The following INTS7 variants were observed in gnomAD, a reference collection of about 807,000 sequenced individuals.
The protein encoded by INTS7 is integrator complex subunit 7, also known as chromosome 1 open reading frame 73.
INTS7 carries 46 observed loss-of-function variants against 109.2 expected under a neutral mutation model. That is an observed-to-expected ratio of 0.42 (90% CI 0.33 to 0.54). The LOEUF is 0.54. Ranked by LOEUF, INTS7 falls within the 20% of genes least tolerant of loss-of-function variation. INTS7 has a pLI of 0.07. For synonymous variants in INTS7, 412 were observed against 402.9 expected, an observed-to-expected ratio of 1.02 and a Z score of -0.27; for missense variants, 929 against 1,132.4, an observed-to-expected ratio of 0.82 and a Z score of 2.58.
chr1:212,022,274 C>G (rs1458532193), intron 1 of INTS7, among the ~76,000 whole-genome samples: 1 of 152,090 alleles, frequency 6.6e-6, no homozygotes, highest in Non-Finnish European at 1.5e-5. Flanking sequence ...TTAGATAAAA[C>G]AAAAGGCATA....
chr1:211,951,152 A>T (rs1359076373), intron 17 of INTS7, among the ~76,000 whole-genome samples: 1 of 152,190 alleles, frequency 6.6e-6, no homozygotes, highest in East Asian at 1.9e-4. Flanking sequence ...GCAGAAGCAG[A>T]AGAGAAACTC....
Position 211,946,634 on chromosome 1 carries a change from GA to G in INTS7, c.2387del (p.Phe796SerfsTer34). On this transcript the variant is annotated frameshift_variant, in exon 18 of 20. Transcript: ENST00000366994. LOFTEE classifies it high-confidence loss of function. This position sits in a 1 kb window ranked among gnomAD's most constrained non-coding sequence, Gnocchi z 4.3. Reference sequence around the variant, plus strand: ...TGATGCTGGTAGACTGTAGTTTCTGGAAAAAATATCTCTGGAAAGAAAGGGG... The same window carrying G: ...TGATGCTGGTAGACTGTAGTTTCTGGAAAAATATCTCTGGAAAGAAAGGGG... ...KVPLSFQRYF[F>X]QKLQSTSIKL... 1.9e-6 allele frequency: 3 copies of G among 1,611,984 alleles called. No homozygotes were observed. The highest frequency in any genetic ancestry group is 1.1e-5 in the South Asian group (1 of 91,040).
intron 13 of INTS7, among the ~76,000 whole-genome samples, chr1:211,974,700 GC>G (rs1664340166): frequency 6.6e-6 from 1 of 152,120 alleles, no homozygotes; most frequent in Non-Finnish European, 1.5e-5. Flanking sequence ...ATTGTAGCTA[GC>G]TAATGGTTAA....
intron 16 of INTS7, among the ~76,000 whole-genome samples, chr1:211,953,670 G>A (rs1438687816): frequency 5.3e-5 from 8 of 150,432 alleles, no homozygotes; most frequent in Admixed American, 2.0e-4. Context: ...TTGTCCTTGC[G>A]ATAGTTTGCT....
At position 211,941,324 on chromosome 1, in the gene INTS7, C is replaced by G. The variant is rs112948521; in HGVS notation, c.*500G>C. ...AAACTAATAATAAAACAAGAAAGAA[C>G]AATCTTTCTGGCCAGGATCCCAGTT... On this transcript the variant is annotated 3_prime_UTR_variant, in exon 20 of 20. Coordinates refer to ENST00000366994, the MANE Select transcript of INTS7 (RefSeq NM_015434.4). 0.32 allele frequency: 47,927 copies of G among 151,988 alleles called. 8,839 individuals are homozygous for G. Among genetic ancestry groups the G allele is most frequent in the Middle Eastern group, 0.42 (124 of 292 alleles). 9.4% of individuals were successfully genotyped at this position (151,988 alleles called of 1,614,324 possible).
intron 8 of INTS7, among the ~76,000 whole-genome samples, chr1:211,984,304 C>G (rs1454645099): frequency 6.6e-6 from 1 of 152,014 alleles, no homozygotes; most frequent in Non-Finnish European, 1.5e-5. Context: ...TGTTTTATAA[C>G]TTGTTTTTTC....
chr1:211,978,478 C>G lies in INTS7; in HGVS notation c.1264G>C (p.Gly422Arg). Residue 422 changes from glycine to arginine, a missense_variant, in exon 11 of 20, where the codon GGC becomes CGC. Gly to Arg is a moderately radical substitution (Grantham distance 125). Transcript: ENST00000366994. ...ALNCMVKLAK[G>R]RPHLSQSVVE... ...ACTGACTGGCTAAGATGGGGCCTGC[C>G]CTTGGCCAACTTCACCATACAGTTT... 1 of 1,614,136 alleles carries G rather than the reference C, an allele frequency of 6.2e-7. No individual in the cohort carries two copies. Among genetic ancestry groups the G allele is most frequent in the Non-Finnish European group, 8.5e-7 (1 of 1,180,012 alleles).
At chr1:211,945,834 A>T (rs933250323) in intron 18 of INTS7, among the ~76,000 whole-genome samples, 4 of 152,250 alleles carry the variant, frequency 2.6e-5, no homozygotes, top group African/African-American at 9.6e-5. Flanking sequence ...AGTGGCTTAA[A>T]TATTTCAAAA....
rs113653779 is a variant in INTS7, at chr1:212,031,385, T to C, written c.94+3959A>G. Among the ~76,000 whole-genome samples, 16 of 152,350 alleles carry C rather than the reference T, an allele frequency of 1.1e-4. 1 individual carries two copies. The highest frequency in any genetic ancestry group is 3.8e-4 in the African/African-American group (16 of 41,572). On this transcript the variant is annotated intron_variant, in intron 1 of 19. Transcript: ENST00000366994. ...CATCCTTTATATTGCCAATTATGTA[T>C]AGTAATGATCATATCATGAAATGTG... is the stretch of plus-strand genomic sequence containing the variant.
At chr1:211,975,462 G>A in intron 12 of INTS7, 90 bp from the exon 13 acceptor site, 1 of 918,062 alleles carries the variant, frequency 1.1e-6, no homozygotes, top group Non-Finnish European at 1.7e-6. Context: ...AGCTAAAAGA[G>A]AAACCCAAAC....
rs1662856146 is a variant in INTS7 at position 211,946,589 on chromosome 1, GTATTCTTCCT to G, written c.2415+8_2415+17del. 7.0e-7 allele frequency: 1 copy of G among 1,434,374 alleles called. No homozygotes were observed. The highest frequency in any genetic ancestry group is 1.4e-5 in the African/African-American group (1 of 71,078). 88.9% of individuals were successfully genotyped at this position (1,434,374 alleles called of 1,614,324 possible). A position where few individuals can be genotyped will look rare whatever the true frequency, so the allele number is the denominator to read the frequency against. ...GGTTTTAAAACCTATATTAACCTTA[GTATTCTTCCT>G]GTATTACCTTGATGCTGGTAGACTG... On this transcript the variant is annotated splice_region_variant and intron_variant, in intron 18 of 19. Transcript: ENST00000366994. The surrounding 1 kb of genome is among the most constrained non-coding windows in gnomAD (Gnocchi z 4.3).
chr1:211,942,168 TATG>T lies in INTS7; in HGVS notation c.2602-60_2602-58del. ...TGGCTAACATTTCTTCAGTGCTTAC[TATG>T]AGTTAGGCCCTGTTCTAAGAGCTTA... On this transcript the variant is annotated intron_variant, in intron 19 of 19. Transcript: ENST00000366994. The surrounding 1 kb of genome is among the most constrained non-coding windows in gnomAD (Gnocchi z 4.2). 1.3e-6 allele frequency: 2 copies of T among 1,562,006 alleles called. No homozygotes were observed. The highest frequency in any genetic ancestry group is 1.7e-6 in the Non-Finnish European group (2 of 1,144,152).
intron 7 of INTS7, among the ~76,000 whole-genome samples, chr1:211,988,591 C>T (rs1331055025): frequency 2.0e-5 from 3 of 152,030 alleles, no homozygotes; most frequent in Non-Finnish European, 4.4e-5. Context: ...AACAATGTAT[C>T]AATATTGGTT....
At chr1:211,955,115 TG>T (rs1454399606) in intron 16 of INTS7, among the ~76,000 whole-genome samples, 1 of 152,150 alleles carries the variant, frequency 6.6e-6, no homozygotes, top group Non-Finnish European at 1.5e-5. Context: ...TCTTGTCCCT[TG>T]TAAGTTGGAT....
chr1:211,998,601 A>G (rs1214988888), intron 7 of INTS7, among the ~76,000 whole-genome samples: 1 of 152,252 alleles, frequency 6.6e-6, no homozygotes, highest in Admixed American at 6.5e-5. Flanking sequence ...TAAAACTTTT[A>G]GGAGAAAACT....
rs371571548 is a variant in INTS7 at position 211,975,838 on chromosome 1, G to A, written c.1609-466C>T. 2.6e-4 allele frequency among the ~76,000 whole-genome samples: 40 copies of A among 152,294 alleles called. No homozygotes were observed. The South Asian group carries it at 7.7e-3, about 29-fold the overall frequency. ...GGACAGAACAGTATAATGAAGAATT[G>A]TCCTGCCAAGAGTGTGTGCTTCTCC... is the stretch of plus-strand genomic sequence containing the variant. On this transcript the variant is annotated intron_variant, in intron 12 of 19. Coordinates refer to ENST00000366994, the MANE Select transcript of INTS7 (RefSeq NM_015434.4).
At chr1:212,003,318 A>C (rs1474774233) in intron 7 of INTS7, among the ~76,000 whole-genome samples, 3 of 152,008 alleles carry the variant, frequency 2.0e-5, no homozygotes, top group East Asian at 1.9e-4. Context: ...AAAAAAAAAA[A>C]AAAAAAACCC....
intron 16 of INTS7, among the ~76,000 whole-genome samples, chr1:211,954,390 CTTTAG>C (rs979624566): frequency 1.4e-4 from 22 of 152,174 alleles, no homozygotes; most frequent in Non-Finnish European, 2.6e-4. Flanking sequence ...TGCAGAAGCT[CTTTAG>C]TTTAATTAGA....
rs1666562956 is a variant in INTS7 at position 212,018,814 on chromosome 1, T to C, written c.371+1308A>G. ...AGTAGTTCACCAATAGCTATTCCCA[T>C]GTCGATTTTTCCCCAATTTTTCATT... On this transcript the variant is annotated intron_variant, in intron 3 of 19. Coordinates refer to ENST00000366994, the MANE Select transcript of INTS7 (RefSeq NM_015434.4). 3.9e-5 allele frequency among the ~76,000 whole-genome samples: 6 copies of C among 152,358 alleles called. No individual in the cohort carries two copies. The South Asian group carries it at 1.0e-3, about 26-fold the overall frequency.
Sources: allele counts gnomAD v4.1 joint callset (sites outside exome capture counted in the v4.1 genomes callset), GRCh38; gene constraint gnomAD v4.1.1; non-coding constraint Gnocchi (gnomAD v3.1); transcripts MANE v1.5; gene names NCBI Gene and HGNC (gene_info 2026-07-23, HGNC 2026-07-21).